Variants in L3MBTL3 observed in about 807,000 individuals in gnomAD.
L3MBTL3 encodes lethal(3)malignant brain tumor-like protein 3.
A neutral mutation model predicts 102.3 loss-of-function variants in L3MBTL3; 27 were observed. The observed-to-expected ratio is 0.26, with a 90% CI of 0.19 to 0.36. The LOEUF is 0.36. Ranked by LOEUF, L3MBTL3 falls within the 10% of genes least tolerant of loss-of-function variation. The probability of loss-of-function intolerance (pLI) is 1.00; values close to 1 mark genes in which losing one functional copy is unlikely to be tolerated. For missense variants in L3MBTL3, 798 were observed against 955.3 expected, an observed-to-expected ratio of 0.84 and a Z score of 2.17; for synonymous variants, 340 against 320.9, an observed-to-expected ratio of 1.06 and a Z score of -0.64.
At chr6:130,044,232 A>G (rs760656455) in intron 3 of L3MBTL3, among the ~76,000 whole-genome samples, 11 of 152,180 alleles carry the variant, frequency 7.2e-5, no homozygotes, top group Admixed American at 2.0e-4. Context: ...GGACATTAGA[A>G]TCTATGTGAT....
chr6:130,070,300 T>C (rs1390178897), intron 12 of L3MBTL3, among the ~76,000 whole-genome samples: 2 of 152,206 alleles, frequency 1.3e-5, no homozygotes, highest in Non-Finnish European at 2.9e-5. Context: ...TACAGAACTT[T>C]CATTGTTTTT....
chr6:130,112,657 C>A (rs1372545936), intron 19 of L3MBTL3, among the ~76,000 whole-genome samples: 1 of 152,100 alleles, frequency 6.6e-6, no homozygotes, highest in Non-Finnish European at 1.5e-5. Flanking sequence ...TATCTCAGAA[C>A]ATTTGTACCC....
At position 130,078,953 on chromosome 6, in the gene L3MBTL3, GA is replaced by G. The variant is rs201607847; in HGVS notation, c.1321+329del. Among the ~76,000 whole-genome samples the G allele has an allele frequency of 4.2e-4, 62 of 148,334 alleles. 1 individual carries two copies. Among genetic ancestry groups the G allele is most frequent in the African/African-American group, 1.0e-3 (41 of 40,526 alleles). On this transcript the variant is annotated intron_variant, in intron 14 of 22. Coordinates refer to ENST00000361794, the MANE Select transcript of L3MBTL3 (RefSeq NM_032438.4). ...AGAGTCTCAAATTTTGTCTCTCTTGGAAAAAAAAAAGTTCTGTTTTAAAAGA... is the reference window on the plus strand; with the variant it reads ...AGAGTCTCAAATTTTGTCTCTCTTGGAAAAAAAAAGTTCTGTTTTAAAAGA...
At chr6:130,051,212 A>G in intron 5 of L3MBTL3, 37 bp from the exon 6 acceptor site, 1 of 1,561,788 alleles carries the variant, frequency 6.4e-7, no homozygotes, top group Non-Finnish European at 8.7e-7. Flanking sequence ...GTCTTCTGTC[A>G]TGGTTGTAAT....
At chr6:130,134,632 C>T (rs1264879627) in intron 22 of L3MBTL3, among the ~76,000 whole-genome samples, 1 of 152,212 alleles carries the variant, frequency 6.6e-6, no homozygotes, top group Non-Finnish European at 1.5e-5. Context: ...CCAAGCAAAG[C>T]AGTCAATTAC....
intron 4 of L3MBTL3, 59 bp downstream of exon 4, chr6:130,049,452 T>A (rs1355089527): frequency 8.7e-7 from 1 of 1,148,398 alleles, no homozygotes; most frequent in Non-Finnish European, 1.3e-6. Flanking sequence ...AATAAGAATA[T>A]CTAAAGTTTT....
intron 13 of L3MBTL3, among the ~76,000 whole-genome samples, chr6:130,071,406 C>A (rs992609873): frequency 2.6e-5 from 4 of 152,114 alleles, no homozygotes; most frequent in African/African-American, 9.7e-5. Context: ...GTATTTTAAT[C>A]TTCCCTTCTT....
intron 12 of L3MBTL3, 114 bp from the exon 13 acceptor site, chr6:130,070,862 T>A (rs973160461): frequency 8.6e-6 from 4 of 464,042 alleles, no homozygotes; most frequent in Non-Finnish European, 1.4e-5. Flanking sequence ...ATTTTTAAAT[T>A]ATGTGAATAC....
chr6:130,086,196 C>T lies in L3MBTL3; in HGVS notation c.1464C>T (p.Asn488=), dbSNP rs750029297. 55 of 1,613,264 alleles carry T rather than the reference C, an allele frequency of 3.4e-5. No homozygotes were observed. Among genetic ancestry groups the T allele is most frequent in the Middle Eastern group, 1.6e-4 (1 of 6,080 alleles). ...AGCTTGAGGTTGTAGACAAAAGGAA[C>T]CCTATGTTTATTAGAGTAGCAACTG... ...KMKLEVVDKR[N]PMFIRVATVA... Residue 488 remains asparagine (N), a synonymous_variant, in exon 16 of 23, where the codon AAC becomes AAT. Coordinates refer to ENST00000361794, the MANE Select transcript of L3MBTL3 (RefSeq NM_032438.4).
intron 1 of L3MBTL3, among the ~76,000 whole-genome samples, chr6:130,021,908 C>A (rs961174424): frequency 1.2e-4 from 19 of 152,058 alleles, no homozygotes; most frequent in African/African-American, 4.6e-4. Context: ...TGTAAAATAT[C>A]TTTAATTTTA....
Position 130,067,180 on chromosome 6 carries a change from A to G in L3MBTL3, c.1000+692A>G, listed in dbSNP as rs149088670. Reference sequence around the variant, plus strand: ...CCAGGTTGCAGTGCAGTGGTGTGATATTGGCTCACTGCAGCCACTGCCTAG... The same window carrying G: ...CCAGGTTGCAGTGCAGTGGTGTGATGTTGGCTCACTGCAGCCACTGCCTAG... On this transcript the variant is annotated intron_variant, in intron 11 of 22. Coordinates refer to ENST00000361794, the MANE Select transcript of L3MBTL3 (RefSeq NM_032438.4). Among the ~76,000 whole-genome samples, 23 of 152,040 alleles carry G rather than the reference A, an allele frequency of 1.5e-4. No homozygotes were observed. The East Asian group carries it at 4.3e-3, about 28-fold the overall frequency.
At chr6:130,135,201 C>T (rs1787510500) in intron 22 of L3MBTL3, among the ~76,000 whole-genome samples, 1 of 151,268 alleles carries the variant, frequency 6.6e-6, no homozygotes, top group African/African-American at 2.4e-5. Context: ...GCTGGGATTA[C>T]AGGTGCCCGC....
chr6:130,033,828 T>C (rs139719552), intron 2 of L3MBTL3, among the ~76,000 whole-genome samples: 1,572 of 152,354 alleles, frequency 0.01, 11 homozygotes, highest in Non-Finnish European at 0.014. Context: ...TAAAACTATT[T>C]AACTGGTCTT....
Position 130,066,286 on chromosome 6 carries a change from G to GTATATATATA in L3MBTL3, c.865-59_865-50dup, listed in dbSNP as rs148263906. 3.4e-3 allele frequency: 1,320 copies of GTATATATATA among 386,734 alleles called. 6 individuals are homozygous for GTATATATATA. The highest frequency in any genetic ancestry group is 4.1e-3 in the Non-Finnish European group (1,006 of 244,206). The allele number at this position is 386,734 out of a possible 1,614,324, so 24.0% of individuals were successfully genotyped here. A position where few individuals can be genotyped will look rare whatever the true frequency, so the allele number is the denominator to read the frequency against. On this transcript the variant is annotated intron_variant, in intron 10 of 22. Coordinates refer to ENST00000361794, the MANE Select transcript of L3MBTL3 (RefSeq NM_032438.4). ...GCCTGGTGTCCATGTTTATTTTTGT[G>GTATATATATA]TATATATATATATATATGAATATTC...
chr6:130,126,576 C>A (rs568779783), intron 20 of L3MBTL3, among the ~76,000 whole-genome samples: 1 of 152,066 alleles, frequency 6.6e-6, no homozygotes, highest in African/African-American at 2.4e-5. Context: ...TTTGAAAAGT[C>A]TTTTTACAAA....
intron 18 of L3MBTL3, among the ~76,000 whole-genome samples, chr6:130,097,610 C>T (rs1280641465): frequency 1.3e-5 from 2 of 152,056 alleles, no homozygotes; most frequent in Non-Finnish European, 2.9e-5. Context: ...ATGGTTTTCT[C>T]ATCTGTAGGG....
intron 10 of L3MBTL3, among the ~76,000 whole-genome samples, chr6:130,063,726 AC>A (rs1782059205): frequency 6.6e-6 from 1 of 152,208 alleles, no homozygotes; most frequent in South Asian, 2.1e-4. Context: ...CTGTAAGGCA[AC>A]ATCACAACCT....
chr6:130,036,707 C>T (rs1780089499), intron 2 of L3MBTL3, among the ~76,000 whole-genome samples: 1 of 152,150 alleles, frequency 6.6e-6, no homozygotes, highest in Admixed American at 6.6e-5. Flanking sequence ...GTCTTACTGA[C>T]ATTTTGTTAG....
rs1783107401 is a variant in L3MBTL3, at chr6:130,078,622, A to C, written c.1309A>C (p.Ile437Leu). ...GWCKEHRRTL[I>L]TPPGYPNVKH... ...GTGTAAGGAACATAGAAGAACCCTT[A>C]TTACTCCACCAGGTGTGTGTTTTTT... The change falls in exon 14 of 23, where the codon ATT becomes CTT. Residue 437 changes from isoleucine (I) to leucine (L), a missense_variant. This residue lies in a region of L3MBTL3 where 306 missense variants were observed against 314.4 expected (regional missense o/e 0.97). Transcript: ENST00000361794. The C allele has an allele frequency of 6.2e-7, 1 of 1,604,438 alleles. No homozygotes were observed. The highest frequency in any genetic ancestry group is 8.5e-7 in the Non-Finnish European group (1 of 1,171,984).
Sources: allele counts gnomAD v4.1 joint callset (sites outside exome capture counted in the v4.1 genomes callset), GRCh38; gene constraint gnomAD v4.1.1; regional missense constraint gnomAD v4.1.1; transcripts MANE v1.5; gene names NCBI Gene and HGNC (gene_info 2026-07-23, HGNC 2026-07-21).